PICALM: variants seen among roughly 807,000 people sequenced by gnomAD.
PICALM encodes phosphatidylinositol-binding clathrin assembly protein.
Under a neutral mutation model 80.5 loss-of-function variants are expected in PICALM, and 40 were observed. The observed-to-expected ratio is 0.50, with a 90% confidence interval of 0.39 to 0.65. PICALM has a LOEUF of 0.65. Among genes scored for constraint, PICALM ranks in the 30% least tolerant of loss-of-function variants. The pLI is 0.00. For synonymous variants in PICALM, 288 were observed against 260.3 expected (o/e 1.11, Z -1.02); for missense variants, 676 against 778.9 (o/e 0.87, Z 1.57).
chr11:86,069,585 A>T (rs976871561), upstream of PICALM: 2 of 152,320 alleles, frequency 1.3e-5, no homozygotes, highest in African/African-American at 4.8e-5. Flanking sequence ...CAGCAGAGTC[A>T]AGAATGTATT....
At chr11:86,020,424 G>GAAAAAA (rs34312370) in intron 4 of PICALM, among the ~76,000 whole-genome samples, 47 of 94,064 alleles carry the variant, frequency 5.0e-4, no homozygotes, top group Admixed American at 6.2e-4. Flanking sequence ...ACAATCTTGG[G>GAAAAAA]AAAAAAAAAA....
At chr11:86,065,339 A>C (rs979026446) in intron 1 of PICALM, among the ~76,000 whole-genome samples, 10 of 152,078 alleles carry the variant, frequency 6.6e-5, no homozygotes, top group African/African-American at 2.2e-4. Flanking sequence ...ACAGCTACTC[A>C]AGAGGCTGAG....
intron 1 of PICALM, among the ~76,000 whole-genome samples, chr11:86,056,530 G>A (rs1370891759): frequency 6.6e-6 from 1 of 151,952 alleles, no homozygotes; most frequent in Non-Finnish European, 1.5e-5. Flanking sequence ...AACAAGTTTG[G>A]CAAGAAAGTA....
chr11:86,017,421 A>G (rs2095498240), intron 4 of PICALM, among the ~76,000 whole-genome samples: 1 of 152,214 alleles, frequency 6.6e-6, no homozygotes, highest in African/African-American at 2.4e-5. Flanking sequence ...TAAGATTGTA[A>G]AGCTTTTAAC....
At chr11:86,022,286 A>C in intron 4 of PICALM, 81 bp downstream of exon 4, 1 of 767,460 alleles carries the variant, frequency 1.3e-6, no homozygotes, top group Non-Finnish European at 2.1e-6. Flanking sequence ...CTAAAATTTC[A>C]TAATTCATAA....
intron 13 of PICALM, among the ~76,000 whole-genome samples, chr11:85,987,145 T>A (rs1362777071): frequency 6.6e-6 from 1 of 152,232 alleles, no homozygotes; most frequent in East Asian, 1.9e-4. Flanking sequence ...TACCATTTAT[T>A]AAACACTACT....
intron 1 of PICALM, among the ~76,000 whole-genome samples, chr11:86,055,531 C>A (rs922754383): frequency 4.6e-5 from 7 of 152,100 alleles, no homozygotes; most frequent in Admixed American, 2.0e-4. Context: ...TTATCCATCA[C>A]CAAACTATAC....
intron 1 of PICALM, among the ~76,000 whole-genome samples, chr11:86,036,441 A>ACGG (rs746747020): frequency 3.9e-5 from 6 of 152,210 alleles, no homozygotes; most frequent in Non-Finnish European, 7.3e-5. Context: ...TTAACTCAAA[A>ACGG]CTATGCTCTT....
At chr11:86,015,061 T>C in intron 4 of PICALM, 98 bp from the exon 5 acceptor site, 1 of 683,122 alleles carries the variant, frequency 1.5e-6, no homozygotes, top group Non-Finnish European at 2.4e-6. Context: ...GAGAACCAAG[T>C]TGCTATGAAA....
At chr11:86,062,124 G>A (rs2096376431) in intron 1 of PICALM, among the ~76,000 whole-genome samples, 2 of 152,298 alleles carry the variant, frequency 1.3e-5, no homozygotes, top group South Asian at 4.1e-4. Context: ...GGATGGCGAG[G>A]GGGAGCACAG....
In PICALM at chr11:86,003,470, T is replaced by C. The variant is rs572239426; in HGVS notation, c.808-19A>G. The C allele has an allele frequency of 2.7e-6, 4 of 1,490,410 alleles. No homozygotes were observed. The African/African-American group carries it at 5.5e-5, about 21-fold the overall frequency. 92.3% of individuals were successfully genotyped at this position (1,490,410 alleles called of 1,614,324 possible). On this transcript the variant is annotated intron_variant, in intron 8 of 19. Transcript: ENST00000393346. ...TAGGGGCCTGCAATTGTACAAATAT[T>C]AAGAATTTCATGATAATTAGGCCAC...
intron 5 of PICALM, among the ~76,000 whole-genome samples, chr11:86,013,766 C>G (rs1223451225): frequency 6.6e-6 from 1 of 152,124 alleles, no homozygotes; most frequent in Non-Finnish European, 1.5e-5. Context: ...CCTTCTAGAG[C>G]AGGGGTCAGC....
chr11:86,068,863 A>AC lies in PICALM; in HGVS notation c.-84dup, dbSNP rs2096485029. On this transcript the variant is annotated 5_prime_UTR_variant, in exon 1 of 20. Coordinates refer to ENST00000393346, the MANE Select transcript of PICALM (RefSeq NM_007166.4). ...AAGAGCCGGAGGGTCCCCACCCCCCACCGCACCCCCTACCCCCACCGGCTC... is the reference window on the plus strand; with the variant it reads ...AAGAGCCGGAGGGTCCCCACCCCCCACCCGCACCCCCTACCCCCACCGGCTC... The AC allele has an allele frequency of 2.2e-6, 3 of 1,356,286 alleles. No homozygotes were observed. Among genetic ancestry groups the AC allele is most frequent in the Non-Finnish European group, 2.9e-6 (3 of 1,035,974 alleles). 84.0% of individuals were successfully genotyped at this position (1,356,286 alleles called of 1,614,324 possible).
intron 1 of PICALM, among the ~76,000 whole-genome samples, chr11:86,057,007 G>C (rs770997420): frequency 6.6e-6 from 1 of 152,250 alleles, no homozygotes; most frequent in South Asian, 2.1e-4. Flanking sequence ...CAGGGGGGCC[G>C]AGGAGAGCTT....
At chr11:85,988,290 G>A (rs552478232) in intron 13 of PICALM, among the ~76,000 whole-genome samples, 7 of 152,166 alleles carry the variant, frequency 4.6e-5, no homozygotes, top group African/African-American at 1.4e-4. Context: ...AGTAAAGTAA[G>A]AAGATGATAA....
intron 19 of PICALM, among the ~76,000 whole-genome samples, chr11:85,965,807 G>GTTTTC (rs2093861928): frequency 1.3e-5 from 1 of 79,254 alleles, no homozygotes; most frequent in African/African-American, 5.8e-5. Context: ...TACCCATTTT[G>GTTTTC]TTTTTTTGTT....
chr11:85,960,740 T>C, intron 19 of PICALM: 1 of 1,317,482 alleles, frequency 7.6e-7, no homozygotes, highest in Non-Finnish European at 9.9e-7. Flanking sequence ...TGAAGCTCTG[T>C]GAGGACTGTG....
chr11:85,998,753 G>C (rs2095055189), intron 11 of PICALM, among the ~76,000 whole-genome samples: 1 of 152,150 alleles, frequency 6.6e-6, no homozygotes, highest in South Asian at 2.1e-4. Flanking sequence ...ACTCCAGCCT[G>C]GGTGACAGAG....
At chr11:86,014,814 C>G in intron 5 of PICALM, 56 bp downstream of exon 5, 2 of 987,922 alleles carry the variant, frequency 2.0e-6, no homozygotes, top group South Asian at 3.2e-5. Context: ...TAAAAATTCT[C>G]ATGAATTATA....
Sources: allele counts gnomAD v4.1 joint callset (sites outside exome capture counted in the v4.1 genomes callset), GRCh38; gene constraint gnomAD v4.1.1; transcripts MANE v1.5; gene names NCBI Gene and HGNC (gene_info 2026-07-23, HGNC 2026-07-21).